MIPOL1: variants seen among roughly 807,000 people sequenced by gnomAD.
The protein encoded by MIPOL1 is mirror-image polydactyly gene 1 protein.
MIPOL1 carries 57 observed loss-of-function variants against 60.9 expected under a neutral mutation model. The ratio of observed to expected loss-of-function variants is 0.94; its 90% confidence interval spans 0.76 to 1.17. The LOEUF is 1.17. MIPOL1 is among the 50% of genes most tolerant of loss of function. The pLI is 0.00. For synonymous variants in MIPOL1, 179 were observed against 168.8 expected (o/e 1.06, Z -0.47); for missense variants, 551 against 511.6 (o/e 1.08, Z -0.74).
chr14:37,507,855 G>A (rs2095293156), intron 12 of MIPOL1: 1 of 151,996 alleles, frequency 6.6e-6, no homozygotes, highest in Admixed American at 6.6e-5. Context: ...TTATGGAATG[G>A]CACTAATCCA....
At chr14:37,469,274 CA>C (rs2094644233) in intron 11 of MIPOL1, among the ~76,000 whole-genome samples, 1 of 152,084 alleles carries the variant, frequency 6.6e-6, no homozygotes, top group East Asian at 1.9e-4. Flanking sequence ...ATGGCAAAGG[CA>C]AAGGGGGAGC....
At chr14:37,326,993 A>C (rs1661622761) in intron 9 of MIPOL1, among the ~76,000 whole-genome samples, 1 of 152,214 alleles carries the variant, frequency 6.6e-6, no homozygotes, top group South Asian at 2.1e-4. Flanking sequence ...AGCTAGAGAC[A>C]ATTCTTGATT....
chr14:37,272,394 G>A (rs1025396999), intron 6 of MIPOL1, among the ~76,000 whole-genome samples: 3 of 151,558 alleles, frequency 2.0e-5, no homozygotes, highest in African/African-American at 4.8e-5. Context: ...TTGTTATTAT[G>A]TCAAAATAAT....
intron 12 of MIPOL1, among the ~76,000 whole-genome samples, chr14:37,525,350 T>A (rs2095440431): frequency 6.6e-6 from 1 of 152,198 alleles, no homozygotes; most frequent in Non-Finnish European, 1.5e-5. Context: ...CTTGGGTGAA[T>A]CAAGGAAGGT....
At position 37,549,944 on chromosome 14, in the gene MIPOL1, C is replaced by G. The variant is rs987654902; in HGVS notation, c.*2973C>G. The G allele has an allele frequency of 6.6e-6, 1 of 151,840 alleles. No individual in the cohort carries two copies. Among genetic ancestry groups the G allele is most frequent in the Admixed American group, 6.6e-5 (1 of 15,240 alleles). The allele number at this position is 151,840 out of a possible 1,614,324, so 9.4% of individuals were successfully genotyped here. Reference sequence around the variant, plus strand: ...GGTAGTCTAAACTTCAAGGCTTGCTCTATCTCCTAGAGCAATTTAGAGCTA... The same window carrying G: ...GGTAGTCTAAACTTCAAGGCTTGCTGTATCTCCTAGAGCAATTTAGAGCTA... On this transcript the variant is annotated 3_prime_UTR_variant, in exon 13 of 13. Transcript: ENST00000684589.
At chr14:37,223,456 T>G (rs1361855386) in intron 1 of MIPOL1, among the ~76,000 whole-genome samples, 1 of 152,192 alleles carries the variant, frequency 6.6e-6, no homozygotes, top group Non-Finnish European at 1.5e-5. Context: ...TTTCAAAAAC[T>G]ATACTGCCTC....
intron 10 of MIPOL1, among the ~76,000 whole-genome samples, chr14:37,396,184 C>T (rs751281801): frequency 6.6e-6 from 1 of 152,002 alleles, no homozygotes; most frequent in Admixed American, 6.6e-5. Flanking sequence ...GGTGAATTCT[C>T]TCACCATTTG....
rs780651131 is a variant in MIPOL1, at chr14:37,431,815, G to T, written c.1031+8866G>T. On this transcript the variant is annotated intron_variant, in intron 11 of 12. Coordinates refer to ENST00000684589, the MANE Select transcript of MIPOL1 (RefSeq NM_001388067.1). ...TTAGCCAGGATGGTCTCGGTCTCCTGACCTCGTGATCCGCTCGCCTCAGCC... is the reference window on the plus strand; with the variant it reads ...TTAGCCAGGATGGTCTCGGTCTCCTTACCTCGTGATCCGCTCGCCTCAGCC... 3.3e-5 allele frequency among the ~76,000 whole-genome samples: 5 copies of T among 150,946 alleles called. 1 individual carries two copies. Among genetic ancestry groups the T allele is most frequent in the Admixed American group, 1.3e-4 (2 of 15,142 alleles).
intron 11 of MIPOL1, among the ~76,000 whole-genome samples, chr14:37,467,550 G>T (rs1295129661): frequency 2.0e-5 from 3 of 152,122 alleles, no homozygotes; most frequent in Non-Finnish European, 2.9e-5. Context: ...AAATGTAAAC[G>T]GAAGTAGAAG....
At position 37,285,340 on chromosome 14, in the gene MIPOL1, T is replaced by G. The variant is rs1239795319; in HGVS notation, c.516T>G (p.Phe172Leu). ...TAGCTCTGGTTGAAGAAGTGTATTT[T>G]GCGCAGAAGGAACGTGATGAAGCTG... The part of the protein sequence containing the change: ...KTAALVEEVY[F>L]AQKERDEAVM... Residue 172 changes from phenylalanine (F) to leucine (L), a missense_variant, in exon 7 of 13, where the codon TTT becomes TTG. Transcript: ENST00000684589. The G allele has an allele frequency of 1.2e-6, 2 of 1,614,050 alleles. No individual in the cohort carries two copies. The highest frequency in any genetic ancestry group is 1.1e-5 in the South Asian group (1 of 91,074).
chr14:37,217,606 G>A (rs563198099), intron 1 of MIPOL1, among the ~76,000 whole-genome samples: 1 of 152,260 alleles, frequency 6.6e-6, no homozygotes, highest in East Asian at 1.9e-4. Context: ...ATCAATCAAT[G>A]TGTACATCAT....
chr14:37,535,400 G>A (rs2095501541), intron 12 of MIPOL1, among the ~76,000 whole-genome samples: 1 of 152,154 alleles, frequency 6.6e-6, no homozygotes, highest in African/African-American at 2.4e-5. Context: ...ATTTCAAGGT[G>A]TGAAGTAACT....
At chr14:37,233,735 G>A (rs925914036) in intron 1 of MIPOL1, among the ~76,000 whole-genome samples, 58 of 152,200 alleles carry the variant, frequency 3.8e-4, no homozygotes, top group African/African-American at 1.4e-3. Context: ...ATTGCTGTGG[G>A]GGAGGAGGCC....
intron 1 of MIPOL1, among the ~76,000 whole-genome samples, chr14:37,230,283 T>C (rs554189618): frequency 6.6e-6 from 1 of 152,346 alleles, no homozygotes; most frequent in African/African-American, 2.4e-5. Flanking sequence ...TTTCACCGAA[T>C]TTTTAAGAAA....
At chr14:37,316,358 G>C (rs899589061) in intron 9 of MIPOL1, among the ~76,000 whole-genome samples, 3 of 152,024 alleles carry the variant, frequency 2.0e-5, no homozygotes, top group African/African-American at 7.2e-5. Context: ...GATGAGCGTA[G>C]TCAGTTCCCT....
At chr14:37,299,359 C>T (rs2086140809) in intron 7 of MIPOL1, among the ~76,000 whole-genome samples, 2 of 151,956 alleles carry the variant, frequency 1.3e-5, no homozygotes, top group South Asian at 2.1e-4. Flanking sequence ...TTAATGGGTG[C>T]AGCACACCAA....
chr14:37,405,108 C>A (rs2093562296), intron 10 of MIPOL1, among the ~76,000 whole-genome samples: 1 of 151,864 alleles, frequency 6.6e-6, no homozygotes, highest in Admixed American at 6.6e-5. Context: ...GTTGGTGTTT[C>A]TTATTGCAAC....
At chr14:37,358,711 T>C (rs1411580799) in intron 9 of MIPOL1, among the ~76,000 whole-genome samples, 1 of 152,184 alleles carries the variant, frequency 6.6e-6, no homozygotes, top group African/African-American at 2.4e-5. Context: ...TTGTTAAATT[T>C]CTTTGTAGAT....
chr14:37,307,992 C>A, intron 7 of MIPOL1, 64 bp from the exon 8 acceptor site: 1 of 1,363,460 alleles, frequency 7.3e-7, no homozygotes, highest in Non-Finnish European at 1.0e-6. Flanking sequence ...ATTTAAAAAG[C>A]GAACTCATTT....
Sources: allele counts gnomAD v4.1 joint callset (sites outside exome capture counted in the v4.1 genomes callset), GRCh38; gene constraint gnomAD v4.1.1; transcripts MANE v1.5; gene names NCBI Gene and HGNC (gene_info 2026-07-23, HGNC 2026-07-21).